The following LTBP1 variants were observed in gnomAD, a reference collection of about 807,000 sequenced individuals.
LTBP1 encodes the protein latent-transforming growth factor beta-binding protein 1.
LTBP1 carries 129 observed loss-of-function variants against 207.6 expected under a neutral mutation model. The ratio of observed to expected loss-of-function variants is 0.62; its 90% CI spans 0.54 to 0.72. The LOEUF (loss-of-function observed/expected upper bound fraction) is 0.72. Ranked by LOEUF, LTBP1 falls within the 30% of genes least tolerant of loss-of-function variation. The pLI is 0.00. For missense variants in LTBP1, 2,281 were observed against 2,217.2 expected (o/e 1.03, Z -0.58); for synonymous variants, 963 against 833.7 (o/e 1.16, Z -2.67).
chr2:33,136,498 AT>A (rs201924404), intron 5 of LTBP1, among the ~76,000 whole-genome samples: 1,707 of 149,396 alleles, frequency 0.011, 13 homozygotes, highest in African/African-American at 0.013. Flanking sequence ...GCTTAAAAAA[AT>A]TTTTTTTTTT....
chr2:33,168,752 A>T (rs2085157932), intron 5 of LTBP1, among the ~76,000 whole-genome samples: 1 of 152,082 alleles, frequency 6.6e-6, no homozygotes, highest in African/African-American at 2.4e-5. Flanking sequence ...ATCTAGAAAG[A>T]TCTGAGGCTG....
chr2:33,086,177 G>T (rs571409074), intron 3 of LTBP1, among the ~76,000 whole-genome samples: 2 of 152,224 alleles, frequency 1.3e-5, no homozygotes, highest in Non-Finnish European at 2.9e-5. Context: ...GTCATGGGAC[G>T]CAACTGCTTG....
In LTBP1 at chr2:33,398,558, A is replaced by G. The variant is rs535571169; in HGVS notation, c.*13A>G. The stretch of plus-strand genomic sequence containing the variant: ...TGACCTGGAGTGAAACAGAATCTAC[A>G]TAACCTAAGCCCATATACTCTGCAC... On this transcript the variant is annotated 3_prime_UTR_variant, in exon 34 of 34. Transcript: ENST00000404816. 1.2e-6 allele frequency: 2 copies of G among 1,612,164 alleles called. No homozygotes were observed. Among genetic ancestry groups the G allele is most frequent in the East Asian group, 2.2e-5 (1 of 44,866 alleles).
At chr2:33,234,441 G>A (rs775475435) in intron 9 of LTBP1, among the ~76,000 whole-genome samples, 1 of 152,130 alleles carries the variant, frequency 6.6e-6, no homozygotes, top group African/African-American at 2.4e-5. Flanking sequence ...GACAGACAGA[G>A]AGCCAAATCA....
intron 8 of LTBP1, among the ~76,000 whole-genome samples, chr2:33,220,862 G>A (rs1409924862): frequency 3.3e-5 from 5 of 152,234 alleles, no homozygotes; most frequent in African/African-American, 9.6e-5. Context: ...TTAGGCATTC[G>A]GGGGAATCTG....
chr2:33,129,886 C>T (rs995786105), intron 4 of LTBP1, among the ~76,000 whole-genome samples: 47 of 152,128 alleles, frequency 3.1e-4, no homozygotes, highest in African/African-American at 1.1e-3. Flanking sequence ...TGTGGAACTG[C>T]CCACATCAGT....
intron 5 of LTBP1, among the ~76,000 whole-genome samples, chr2:33,160,995 T>C (rs1312362392): frequency 2.0e-5 from 3 of 152,168 alleles, no homozygotes; most frequent in Non-Finnish European, 4.4e-5. Flanking sequence ...ACTCCAGAAG[T>C]TATTGGGACA....
At chr2:33,069,001 T>G (rs1372645964) in intron 3 of LTBP1, among the ~76,000 whole-genome samples, 1 of 152,230 alleles carries the variant, frequency 6.6e-6, no homozygotes, top group Non-Finnish European at 1.5e-5. Context: ...TGTGCCTCAA[T>G]AAATGTCAGT....
intron 18 of LTBP1, among the ~76,000 whole-genome samples, chr2:33,277,787 T>C (rs185969086): frequency 7.4e-5 from 6 of 81,272 alleles, no homozygotes; most frequent in Admixed American, 3.7e-4. Flanking sequence ...CTTTCTTTCT[T>C]TCTTTCTTTC....
At chr2:32,984,360 G>A (rs1443292718) in intron 2 of LTBP1, among the ~76,000 whole-genome samples, 6 of 152,124 alleles carry the variant, frequency 3.9e-5, no homozygotes, top group Admixed American at 3.9e-4. Flanking sequence ...CACCCAGCTT[G>A]CTAGTAAAAC....
At chr2:33,143,483 A>G (rs2082790187) in intron 5 of LTBP1, among the ~76,000 whole-genome samples, 1 of 152,188 alleles carries the variant, frequency 6.6e-6, no homozygotes, top group South Asian at 2.1e-4. Flanking sequence ...GAAGTAAAAT[A>G]ATTAACTGAG....
At chr2:33,284,791 A>G (rs963509448) in intron 19 of LTBP1, among the ~76,000 whole-genome samples, 4 of 152,120 alleles carry the variant, frequency 2.6e-5, no homozygotes, top group Admixed American at 1.3e-4. Context: ...GGGCTACATG[A>G]CCTCTCTGAA....
chr2:33,375,701 T>C (rs1371286405), intron 31 of LTBP1, among the ~76,000 whole-genome samples: 5 of 147,756 alleles, frequency 3.4e-5, no homozygotes, highest in Non-Finnish European at 7.5e-5. Context: ...CTAATTTTTT[T>C]GTATTTTTTT....
chr2:32,968,940 G>C (rs896088239), intron 2 of LTBP1, among the ~76,000 whole-genome samples: 2 of 140,406 alleles, frequency 1.4e-5, no homozygotes, highest in Non-Finnish European at 3.1e-5. Context: ...TTTTGAGGCG[G>C]TGTCTCGCTC....
chr2:33,304,359 A>G (rs2094049860), intron 22 of LTBP1, among the ~76,000 whole-genome samples: 1 of 152,124 alleles, frequency 6.6e-6, no homozygotes, highest in African/African-American at 2.4e-5. Context: ...CTAAACCGTG[A>G]CTGTTCACAC....
intron 3 of LTBP1, among the ~76,000 whole-genome samples, chr2:33,028,299 A>G (rs2075528091): frequency 6.6e-6 from 1 of 152,236 alleles, no homozygotes; most frequent in African/African-American, 2.4e-5. Flanking sequence ...TAATAATAAT[A>G]GTTAATATGA....
chr2:33,236,583 A>G (rs919177191), intron 9 of LTBP1, among the ~76,000 whole-genome samples: 1 of 152,076 alleles, frequency 6.6e-6, no homozygotes, highest in Admixed American at 6.6e-5. Context: ...TATTTTATTA[A>G]CTCTTCCTCA....
In LTBP1 at chr2:33,134,420, A is replaced by T; in HGVS notation, c.1034-373A>T. ...GGTGCACGGCCAACCCCTTTGCATT[A>T]CATCTGCCTGTCAGGGTTGGCTCTT... On this transcript the variant is annotated intron_variant, in intron 4 of 33. Transcript: ENST00000404816. The surrounding 1 kb of genome is among the most constrained non-coding windows in gnomAD (Gnocchi z 4.4). 2 of 580,744 alleles carry T rather than the reference A, an allele frequency of 3.4e-6. No individual in the cohort carries two copies. The highest frequency in any genetic ancestry group is 6.3e-6 in the Non-Finnish European group (2 of 318,396). 36.0% of individuals were successfully genotyped at this position (580,744 alleles called of 1,614,324 possible).
rs1006391050 is a variant in LTBP1 at position 33,342,963 on chromosome 2, G to A, written c.3856G>A (p.Asp1286Asn). 2 of 1,608,804 alleles carry A rather than the reference G, an allele frequency of 1.2e-6. No individual in the cohort carries two copies. The highest frequency in any genetic ancestry group is 1.7e-6 in the Non-Finnish European group (2 of 1,177,584). The stretch of plus-strand genomic sequence containing the variant: ...CCCACAGGATGGGCAAGGGTGTGTG[G>A]GTGAGTTTTTAGATTTTTTCCCAAC... ...QAPQDGQGCV[D>N]VNECELLSGV... Residue 1286 changes from aspartate to asparagine, a missense_variant and splice_region_variant, in exon 25 of 34, where the codon GAT (aspartate) becomes AAT (asparagine). By Grantham distance (23) the Asp-to-Asn change is conservative (BLOSUM62 1). Around this residue, in one of 3 missense-constraint regions of LTBP1, gnomAD observed 1,671 missense variants for 1,634.8 expected, o/e 1.02. Coordinates refer to ENST00000404816, the MANE Select transcript of LTBP1 (RefSeq NM_206943.4).
Sources: allele counts gnomAD v4.1 joint callset (sites outside exome capture counted in the v4.1 genomes callset), GRCh38; gene constraint gnomAD v4.1.1; regional missense constraint gnomAD v4.1.1; non-coding constraint Gnocchi (gnomAD v3.1); transcripts MANE v1.5; gene names NCBI Gene and HGNC (gene_info 2026-07-23, HGNC 2026-07-21).